PTPRQ: variants seen among roughly 807,000 people sequenced by gnomAD.
PTPRQ encodes the protein phosphatidylinositol phosphatase PTPRQ.
Under a neutral mutation model 246.0 loss-of-function variants are expected in PTPRQ, and 199 were observed. The ratio of observed to expected loss-of-function variants is 0.81; its 90% CI spans 0.72 to 0.91. The LOEUF (loss-of-function observed/expected upper bound fraction) is 0.91, where lower values mean the gene tolerates loss of function less well. Among genes scored for constraint, PTPRQ ranks in the 40% least tolerant of loss-of-function variants. The probability of loss-of-function intolerance (pLI) is 0.00; values close to 1 mark genes in which losing one functional copy is unlikely to be tolerated. For synonymous variants in PTPRQ, 869 were observed against 853.2 expected (o/e 1.02, Z -0.32); for missense variants, 2,624 against 2,528.4 (o/e 1.04, Z -0.81).
chr12:80,450,269 G>C (rs970712444), intron 3 of PTPRQ, among the ~76,000 whole-genome samples: 8 of 152,180 alleles, frequency 5.3e-5, no homozygotes, highest in Non-Finnish European at 8.8e-5. Flanking sequence ...AGCTTAAGGA[G>C]ATTTTGGGCT....
chr12:80,537,879 G>A (rs1040671116), intron 19 of PTPRQ, among the ~76,000 whole-genome samples: 1 of 152,210 alleles, frequency 6.6e-6, no homozygotes, highest in African/African-American at 2.4e-5. Flanking sequence ...GGAGGCTGAA[G>A]CAGGTGGATC....
In PTPRQ at chr12:80,474,497, A is replaced by G. The variant is rs1893750960; in HGVS notation, c.1186+2246A>G. Reference sequence around the variant, plus strand: ...ATTACCCCTGGGGATGTTACGGTCCATAGTCTACTTTGAAAGAAAATCAGC... The same window carrying G: ...ATTACCCCTGGGGATGTTACGGTCCGTAGTCTACTTTGAAAGAAAATCAGC... On this transcript the variant is annotated intron_variant, in intron 8 of 44. Coordinates refer to ENST00000644991, the MANE Select transcript of PTPRQ (RefSeq NM_001145026.2). Among the ~76,000 whole-genome samples the G allele has an allele frequency of 3.3e-5, 5 of 152,344 alleles. No individual in the cohort carries two copies. The South Asian group carries it at 1.0e-3, about 32-fold the overall frequency.
intron 26 of PTPRQ, among the ~76,000 whole-genome samples, chr12:80,589,858 A>AT (rs938386138): frequency 6.6e-6 from 1 of 152,124 alleles, no homozygotes; most frequent in Admixed American, 6.5e-5. Flanking sequence ...TCAGCAAATA[A>AT]TTGTTTTTTA....
intron 39 of PTPRQ, among the ~76,000 whole-genome samples, chr12:80,664,375 A>G (rs1267992453): frequency 6.6e-6 from 1 of 151,980 alleles, no homozygotes; most frequent in Non-Finnish European, 1.5e-5. Context: ...ATCTGTGTCC[A>G]TATACTCAGT....
At chr12:80,643,134 C>T (rs1466848193) in intron 35 of PTPRQ, among the ~76,000 whole-genome samples, 1 of 151,040 alleles carries the variant, frequency 6.6e-6, no homozygotes, top group Non-Finnish European at 1.5e-5. Flanking sequence ...AATTGTTTTC[C>T]TGATTTAAAA....
Position 80,444,363 on chromosome 12 carries a change from T to C in PTPRQ, c.18T>C (p.Ile6=). ...TAATAAAGATGGATTTTCTTATCATTTTTCTTTTACTTTTTATTGGGACTT... is the reference window on the plus strand; with the variant it reads ...TAATAAAGATGGATTTTCTTATCATCTTTCTTTTACTTTTTATTGGGACTT... MDFLI[I]FLLLFIGTSE... The change falls in exon 1 of 45, where the codon ATT becomes ATC. Residue 6 remains isoleucine, a synonymous_variant. Coordinates refer to ENST00000644991, the MANE Select transcript of PTPRQ (RefSeq NM_001145026.2). 1 of 1,472,182 alleles carries C rather than the reference T, an allele frequency of 6.8e-7. No homozygotes were observed. Among genetic ancestry groups the C allele is most frequent in the Non-Finnish European group, 9.3e-7 (1 of 1,077,862 alleles). The allele number at this position is 1,472,182 out of a possible 1,614,324, so 91.2% of individuals were successfully genotyped here. A position where few individuals can be genotyped will look rare whatever the true frequency, so the allele number is the denominator to read the frequency against.
chr12:80,595,903 A>G, intron 26 of PTPRQ, among the ~76,000 whole-genome samples: 2 of 152,240 alleles, frequency 1.3e-5, no homozygotes, highest in East Asian at 3.9e-4. Flanking sequence ...TATTGCATAT[A>G]GGAAATATTT....
chr12:80,513,634 C>T (rs1256290946), intron 17 of PTPRQ, among the ~76,000 whole-genome samples: 2 of 152,128 alleles, frequency 1.3e-5, no homozygotes, highest in Non-Finnish European at 2.9e-5. Flanking sequence ...GTGTGGGGCG[C>T]TAGGCAGAGA....
At chr12:80,634,905 T>A in intron 34 of PTPRQ, 40 bp from the exon 35 acceptor site, 1 of 1,545,194 alleles carries the variant, frequency 6.5e-7, no homozygotes, top group Non-Finnish European at 8.7e-7. Flanking sequence ...ATATACTTTG[T>A]GTGAAACTCC....
At chr12:80,540,994 G>A (rs1896133436) in intron 20 of PTPRQ, among the ~76,000 whole-genome samples, 1 of 152,220 alleles carries the variant, frequency 6.6e-6, no homozygotes, top group Admixed American at 6.5e-5. Flanking sequence ...ATTGGAACTT[G>A]TGTGTAAGTA....
At chr12:80,463,078 G>A (rs1483218682) in intron 6 of PTPRQ, among the ~76,000 whole-genome samples, 1 of 152,150 alleles carries the variant, frequency 6.6e-6, no homozygotes, top group African/African-American at 2.4e-5. Flanking sequence ...CGAGCTACAG[G>A]AGGAAATTCA....
intron 6 of PTPRQ, among the ~76,000 whole-genome samples, chr12:80,466,916 C>A (rs1017619310): frequency 3.7e-4 from 56 of 152,180 alleles, no homozygotes; most frequent in South Asian, 1.2e-3. Context: ...AGAAGTAAAC[C>A]TAGGCATTAC....
chr12:80,530,086 C>T (rs1895799690), intron 17 of PTPRQ, among the ~76,000 whole-genome samples: 1 of 152,134 alleles, frequency 6.6e-6, no homozygotes, highest in Non-Finnish European at 1.5e-5. Flanking sequence ...TAGGCCTCCT[C>T]TCTTCTTCTC....
In PTPRQ at chr12:80,460,789, T is replaced by A. The variant is rs551266263; in HGVS notation, c.797T>A (p.Ile266Asn). The change falls in exon 6 of 45, where the codon ATC becomes AAC. Residue 266 changes from isoleucine to asparagine, a missense_variant. By Grantham distance (149) the Ile-to-Asn change is moderately radical (BLOSUM62 -3). Coordinates refer to ENST00000644991, the MANE Select transcript of PTPRQ (RefSeq NM_001145026.2). Reference protein sequence around the residue: ...NEISSVWKEPISFVVTHLRPY... With the variant: ...NEISSVWKEPNSFVVTHLRPY... ...ATCAGCTCTGTGTGGAAAGAGCCTA[T>A]CAGTTTTGTAGTGACACACTTGAGA... The A allele has an allele frequency of 1.2e-4, 47 of 400,682 alleles. No homozygotes were observed. The South Asian group carries it at 5.0e-3, about 43-fold the overall frequency. The allele number at this position is 400,682 out of a possible 1,614,324, so 24.8% of individuals were successfully genotyped here.
chr12:80,537,977 C>T (rs1231482338), intron 19 of PTPRQ, among the ~76,000 whole-genome samples: 1 of 151,996 alleles, frequency 6.6e-6, no homozygotes, highest in South Asian at 2.1e-4. Flanking sequence ...GGCATGGTGG[C>T]AGGCTCCTGT....
At chr12:80,520,667 A>G (rs1895450760) in intron 17 of PTPRQ, among the ~76,000 whole-genome samples, 1 of 151,908 alleles carries the variant, frequency 6.6e-6, no homozygotes, top group Non-Finnish European at 1.5e-5. Context: ...AGCTTCATCC[A>G]TGTCCCTACA....
At position 80,670,229 on chromosome 12, in the gene PTPRQ, GT is replaced by G. The variant is rs1900925678; in HGVS notation, c.6454-112del. On this transcript the variant is annotated intron_variant, in intron 41 of 44. Coordinates refer to ENST00000644991, the MANE Select transcript of PTPRQ (RefSeq NM_001145026.2). ...GGAAATAATGAAAACATTTTATTTGGTTTGGTAAATAGTCATTTTTAAAAGA... is the reference window on the plus strand; with the variant it reads ...GGAAATAATGAAAACATTTTATTTGGTTGGTAAATAGTCATTTTTAAAAGA... The G allele has an allele frequency of 3.6e-6, 5 of 1,403,734 alleles. No homozygotes were observed. In the South Asian group the frequency reaches 7.2e-5, roughly 20 times the overall value. The allele number at this position is 1,403,734 out of a possible 1,614,324, so 87.0% of individuals were successfully genotyped here. A position where few individuals can be genotyped will look rare whatever the true frequency, so the allele number is the denominator to read the frequency against.
chr12:80,563,337 T>A (rs1896883229), intron 25 of PTPRQ, among the ~76,000 whole-genome samples: 1 of 151,844 alleles, frequency 6.6e-6, no homozygotes, highest in African/African-American at 2.4e-5. Flanking sequence ...TGCAGCCTAA[T>A]CCCACTCGTG....
chr12:80,614,648 C>T (rs567742628), intron 29 of PTPRQ, among the ~76,000 whole-genome samples: 2 of 150,856 alleles, frequency 1.3e-5, no homozygotes, highest in South Asian at 4.2e-4. Flanking sequence ...TTGCATGTCC[C>T]ATTAAGTGGA....
Sources: gnomAD v4.1 joint callset for allele counts (sites outside exome capture counted in the v4.1 genomes callset) on GRCh38, gnomAD v4.1.1 for gene constraint, MANE v1.5 for transcripts, NCBI Gene and HGNC (gene_info 2026-07-23, HGNC 2026-07-21) for gene names.